Variants in DUOX1 observed in about 807,000 individuals in gnomAD.
DUOX1 encodes NADPH thyroid oxidase 1.
Under a neutral mutation model 181.8 loss-of-function variants are expected in DUOX1, and 134 were observed. The ratio of observed to expected loss-of-function variants is 0.74; its 90% CI spans 0.64 to 0.85. The LOEUF (loss-of-function observed/expected upper bound fraction) is 0.85, where lower values mean the gene tolerates loss of function less well. DUOX1 is among the 40% of genes least tolerant of loss of function. The probability of loss-of-function intolerance (pLI) is 0.00; values close to 1 mark genes in which losing one functional copy is unlikely to be tolerated. For missense variants in DUOX1, 1,814 were observed against 2,064.4 expected (o/e 0.88, Z 2.35); for synonymous variants, 798 against 832.5 (o/e 0.96, Z 0.71).
intron 2 of DUOX1, 73 bp downstream of exon 2, chr15:45,132,097 A>G (rs1896173426): frequency 7.5e-7 from 1 of 1,338,060 alleles, no homozygotes; most frequent in South Asian, 1.4e-5. Context: ...CCCCAAGGAC[A>G]GGATCCATTT....
chr15:45,161,595 C>T (rs1595597985), intron 29 of DUOX1, 143 bp from the exon 30 acceptor site: 1 of 728,906 alleles, frequency 1.4e-6, no homozygotes. Context: ...CTGCCTGGGC[C>T]CCCACAGGGT....
rs1420278083 is a variant in DUOX1, at chr15:45,158,033, TG to T, written c.3702+2106del. Among the ~76,000 whole-genome samples the T allele has an allele frequency of 6.5e-3, 996 of 152,122 alleles. 12 individuals carry two copies. The highest frequency in any genetic ancestry group is 0.021 in the African/African-American group (884 of 41,508). The stretch of plus-strand genomic sequence containing the variant: ...GTATAGACTAGACCCTGGGGAAGGA[TG>T]GCCAGGCTTCTGATCCAGGCAGAAG... On this transcript the variant is annotated intron_variant, in intron 28 of 33. Coordinates refer to ENST00000389037, the MANE Select transcript of DUOX1 (RefSeq NM_175940.3).
chr15:45,141,800 G>A lies in DUOX1; in HGVS notation c.1685-175G>A, dbSNP rs74517770. 0.015 allele frequency: 9,189 copies of A among 628,278 alleles called. 702 individuals carry two copies. In the African/African-American group the frequency reaches 0.15, roughly 10 times the overall value. The allele number at this position is 628,278 out of a possible 1,614,324, so 38.9% of individuals were successfully genotyped here. ...TGTGTGTGTACACTTCTGTGTGTGA[G>A]GGAGAGATGGAGGTTGGGATTCATT... On this transcript the variant is annotated intron_variant, in intron 14 of 33. Coordinates refer to ENST00000389037, the MANE Select transcript of DUOX1 (RefSeq NM_175940.3).
intron 28 of DUOX1, among the ~76,000 whole-genome samples, chr15:45,157,826 A>AG (rs933475416): frequency 2.6e-5 from 4 of 151,074 alleles, no homozygotes; most frequent in Non-Finnish European, 5.9e-5. Flanking sequence ...TTAAAAAAAA[A>AG]AAAAGAAATA....
intron 32 of DUOX1, 23 bp downstream of exon 32, chr15:45,163,710 G>A (rs768945765): frequency 3.1e-6 from 5 of 1,613,908 alleles, no homozygotes; most frequent in Non-Finnish European, 3.4e-6. Context: ...CCACCAGGAG[G>A]GTATGCGGGC....
chr15:45,149,119 T>C (rs1040390321), intron 21 of DUOX1, among the ~76,000 whole-genome samples: 6 of 152,036 alleles, frequency 3.9e-5, no homozygotes, highest in Non-Finnish European at 8.8e-5. Flanking sequence ...CTCTGAGCTG[T>C]TATGGTATCT....
chr15:45,142,671 G>C (rs765027541), intron 15 of DUOX1, among the ~76,000 whole-genome samples: 71 of 152,202 alleles, frequency 4.7e-4, no homozygotes, highest in Non-Finnish European at 7.8e-4. Context: ...GTTGCAGTGA[G>C]CTTAGATCGC....
intron 9 of DUOX1, among the ~76,000 whole-genome samples, chr15:45,137,115 AG>A (rs888525059): frequency 7.4e-5 from 11 of 148,102 alleles, no homozygotes; most frequent in African/African-American, 2.5e-4. Context: ...TGGGAGGCAG[AG>A]GTGGGTGGTT....
chr15:45,151,923 T>G lies in DUOX1; in HGVS notation c.3064T>G (p.Phe1022Val). The change falls in exon 24 of 34, where the codon TTC becomes GTC. Residue 1022 changes from phenylalanine to valine, a missense_variant. Phe to Val is a conservative substitution (Grantham distance 50). Transcript: ENST00000389037. ...GTTCACTGAGGCGCACCGAGAGAAGTTCCAACGCAGCTGTCTCCACCAGAC... is the reference window on the plus strand; with the variant it reads ...GTTCACTGAGGCGCACCGAGAGAAGGTCCAACGCAGCTGTCTCCACCAGAC... The part of the protein sequence containing the change: ...LLFTEAHREK[F>V]QRSCLHQTVQ... 6.2e-7 allele frequency: 1 copy of G among 1,613,170 alleles called. No homozygotes were observed. The highest frequency in any genetic ancestry group is 8.5e-7 in the Non-Finnish European group (1 of 1,179,710).
At position 45,161,905 on chromosome 15, in the gene DUOX1, T is replaced by C. The variant is rs1377542559; in HGVS notation, c.4024T>C (p.Trp1342Arg). The C allele has an allele frequency of 1.2e-6, 2 of 1,612,372 alleles. No individual in the cohort carries two copies. The highest frequency in any genetic ancestry group is 3.3e-5 in the Admixed American group (2 of 59,824). Residue 1342 changes from tryptophan (W) to arginine (R), a missense_variant, in exon 30 of 34, where the codon TGG becomes CGG. By Grantham distance (101) the Trp-to-Arg change is moderately radical. This residue lies in a region of DUOX1 where 279 missense variants were observed against 381.9 expected (regional missense o/e 0.73). Transcript: ENST00000389037. ...LSLHIRAAGP[W>R]TTRLREIYSA... ...CCTGCACATCCGGGCAGCAGGGCCC[T>C]GGACCACTCGCCTCAGGGAGATCTA...
chr15:45,161,444 A>AGGGG (rs1555423591), intron 29 of DUOX1, among the ~76,000 whole-genome samples: 402 of 76,658 alleles, frequency 5.2e-3, no homozygotes, highest in Non-Finnish European at 0.01. Context: ...AAAAAAAGGA[A>AGGGG]GGAGGGAGGG....
intron 15 of DUOX1, among the ~76,000 whole-genome samples, chr15:45,142,767 A>AGAATGAAGGAAG (rs1896536020): frequency 8.7e-6 from 1 of 115,160 alleles, no homozygotes; most frequent in Non-Finnish European, 1.9e-5. Flanking sequence ...AAGGAAGGAA[A>AGAATGAAGGAAG]GAAGGAAGGA....
intron 31 of DUOX1, among the ~76,000 whole-genome samples, chr15:45,162,800 A>C (rs983940740): frequency 1.3e-5 from 2 of 152,252 alleles, no homozygotes; most frequent in Admixed American, 1.3e-4. Context: ...CAAGAGGAAC[A>C]GGAGGAGTGG....
At chr15:45,160,724 A>T in intron 28 of DUOX1, 113 bp from the exon 29 acceptor site, 1 of 1,218,866 alleles carries the variant, frequency 8.2e-7, no homozygotes. Flanking sequence ...GTACGTGGTG[A>T]GGTGGGGGCT....
intron 17 of DUOX1, 115 bp downstream of exon 17, chr15:45,144,350 GT>G (rs1896594145): frequency 8.6e-7 from 1 of 1,162,822 alleles, no homozygotes; most frequent in Admixed American, 2.0e-5. Context: ...CTGTGCAGGA[GT>G]CTGGCTTCTT....
rs766973590 is a variant in DUOX1 at position 45,141,330 on chromosome 15, C to A, written c.1604C>A (p.Thr535Asn). Reference protein sequence around the residue: ...SKKEIEEIRNTTLQDVLVAVI... With the variant: ...SKKEIEEIRNNTLQDVLVAVI... The stretch of plus-strand genomic sequence containing the variant: ...AAGGAGATTGAAGAAATCCGAAATA[C>A]CACCCTGCAGGACGTGCTGGTCGCT... The change falls in exon 14 of 34, where the codon ACC becomes AAC. Residue 535 changes from threonine to asparagine, a missense_variant. This residue lies in a region of DUOX1 where 1,064 missense variants were observed against 1,152.9 expected (regional missense o/e 0.92). Transcript: ENST00000389037. The A allele has an allele frequency of 3.7e-6, 6 of 1,614,106 alleles. No homozygotes were observed. Among genetic ancestry groups the A allele is most frequent in the Admixed American group, 1.7e-5 (1 of 60,006 alleles).
At position 45,153,641 on chromosome 15, in the gene DUOX1, T is replaced by C. The variant is rs73406385; in HGVS notation, c.3524+162T>C. 6,773 of 772,438 alleles carry C rather than the reference T, an allele frequency of 8.8e-3. 380 individuals carry two copies. The African/African-American group carries it at 0.11, about 12-fold the overall frequency. The allele number at this position is 772,438 out of a possible 1,614,324, so 47.8% of individuals were successfully genotyped here. On this transcript the variant is annotated intron_variant, in intron 26 of 33. Coordinates refer to ENST00000389037, the MANE Select transcript of DUOX1 (RefSeq NM_175940.3). ...GTTACAGGACAGACAGTGACCAGCC[T>C]GAGCCCCTAATGCCAAGTCAGCAGG...
At chr15:45,134,998 G>A in intron 4 of DUOX1, 106 bp from the exon 5 acceptor site, 1 of 1,375,118 alleles carries the variant, frequency 7.3e-7, no homozygotes, top group Non-Finnish European at 1.0e-6. Context: ...CATAATGGCT[G>A]CTGAGTCTTT....
rs904093478 is a variant in DUOX1 at position 45,139,359 on chromosome 15, G to A, written c.1217-68G>A. ...AGTCTCCTGGGGCTGGTTGGAGCTT[G>A]GGGCCTGGACTGGACACTGCTGTGG... On this transcript the variant is annotated intron_variant, in intron 11 of 33. Transcript: ENST00000389037. The A allele has an allele frequency of 8.8e-6, 14 of 1,590,212 alleles. No homozygotes were observed. In the African/African-American group the frequency reaches 1.8e-4, roughly 20 times the overall value.
Sources: allele counts gnomAD v4.1 joint callset (sites outside exome capture counted in the v4.1 genomes callset), GRCh38; gene constraint gnomAD v4.1.1; regional missense constraint gnomAD v4.1.1; transcripts MANE v1.5; gene names NCBI Gene and HGNC (gene_info 2026-07-23, HGNC 2026-07-21).